CCDC112: variants seen among roughly 807,000 people sequenced by gnomAD.
CCDC112 encodes coiled-coil domain containing 112.
CCDC112 carries 40 observed loss-of-function variants against 66.3 expected under a neutral mutation model. That is an observed-to-expected ratio of 0.60 (90% CI 0.47 to 0.79). The LOEUF is 0.79. Among genes scored for constraint, CCDC112 ranks in the 30% least tolerant of loss-of-function variants. CCDC112 has a pLI of 0.00. For synonymous variants in CCDC112, 214 were observed against 197.2 expected, an observed-to-expected ratio of 1.09 and a Z score of -0.71; for missense variants, 659 against 603.8, an observed-to-expected ratio of 1.09 and a Z score of -0.96.
intron 5 of CCDC112, 42 bp from the exon 6 acceptor site, chr5:115,275,648 T>C: frequency 7.2e-7 from 1 of 1,380,352 alleles, no homozygotes; most frequent in Non-Finnish European, 9.8e-7. Context: ...AGACAATCCA[T>C]ATTAACCCTT....
chr5:115,268,744 CATTT>C (rs980491524), intron 9 of CCDC112, 134 bp downstream of exon 9: 15 of 268,314 alleles, frequency 5.6e-5, no homozygotes, highest in East Asian at 2.1e-4. Context: ...AGGTAAAAAA[CATTT>C]ATATATTATA....
rs1750175396 is a variant in CCDC112 at position 115,296,652 on chromosome 5, G to A, written c.-109C>T. On this transcript the variant is annotated 5_prime_UTR_variant, in exon 1 of 10. Transcript: ENST00000379611. ...CTCCCTGCGCTGCGGGCTTGGCCGGGATGCAGGGCGGGGCCGAGATGTAGG... is the reference window on the plus strand; with the variant it reads ...CTCCCTGCGCTGCGGGCTTGGCCGGAATGCAGGGCGGGGCCGAGATGTAGG... The A allele has an allele frequency of 1.0e-5, 11 of 1,086,220 alleles. No homozygotes were observed. The highest frequency in any genetic ancestry group is 1.0e-5 in the Non-Finnish European group (9 of 867,834). The allele number at this position is 1,086,220 out of a possible 1,614,324, so 67.3% of individuals were successfully genotyped here. A position where few individuals can be genotyped will look rare whatever the true frequency, so the allele number is the denominator to read the frequency against.
intron 2 of CCDC112, among the ~76,000 whole-genome samples, chr5:115,284,409 T>C (rs1481253197): frequency 6.6e-6 from 1 of 152,194 alleles, no homozygotes; most frequent in Non-Finnish European, 1.5e-5. Context: ...CACTTTCATA[T>C]ACACATAATA....
chr5:115,291,423 T>C (rs1011577819), intron 1 of CCDC112, among the ~76,000 whole-genome samples: 1 of 152,186 alleles, frequency 6.6e-6, no homozygotes, highest in Non-Finnish European at 1.5e-5. Flanking sequence ...TTATAACAGA[T>C]ACTATTCTGT....
At chr5:115,294,352 A>T (rs908892683) in intron 1 of CCDC112, among the ~76,000 whole-genome samples, 6 of 152,182 alleles carry the variant, frequency 3.9e-5, no homozygotes, top group Non-Finnish European at 8.8e-5. Flanking sequence ...TGATAGAACT[A>T]GTGTTCCTAT....
chr5:115,279,187 C>T (rs575075731), intron 3 of CCDC112, among the ~76,000 whole-genome samples: 10 of 152,108 alleles, frequency 6.6e-5, no homozygotes, highest in Non-Finnish European at 1.2e-4. Context: ...CAAGGAAACT[C>T]AGGTTTATGC....
rs765136609 is a variant in CCDC112 at position 115,275,414 on chromosome 5, A to C, written c.720T>G (p.Leu240=). Residue 240 remains leucine (L), a synonymous_variant, in exon 6 of 10, where the codon CTT becomes CTG. Coordinates refer to ENST00000379611, the MANE Select transcript of CCDC112 (RefSeq NM_001040440.3). The part of the protein sequence containing the change: ...PEEVLDFEKF[L]QQTGGRQGAW... ...CACCTTGTCGCCCTCCTGTTTGCTGAAGGAATTTTTCAAAATCTAGTACCT... is the reference window on the plus strand; with the variant it reads ...CACCTTGTCGCCCTCCTGTTTGCTGCAGGAATTTTTCAAAATCTAGTACCT... The C allele has an allele frequency of 6.2e-7, 1 of 1,614,002 alleles. No individual in the cohort carries two copies. The highest frequency in any genetic ancestry group is 8.5e-7 in the Non-Finnish European group (1 of 1,179,958).
At chr5:115,275,827 T>C (rs1450607070) in intron 5 of CCDC112, among the ~76,000 whole-genome samples, 167 bp downstream of exon 5, 1 of 152,128 alleles carries the variant, frequency 6.6e-6, no homozygotes, top group Middle Eastern at 3.2e-3. Context: ...AATTTCGCTT[T>C]AAATATGAAA....
intron 3 of CCDC112, among the ~76,000 whole-genome samples, chr5:115,277,968 T>A (rs1318106560): frequency 1.3e-5 from 2 of 152,182 alleles, no homozygotes; most frequent in African/African-American, 4.8e-5. Context: ...ATTATTTTTT[T>A]AAGAAAAAGT....
intron 3 of CCDC112, among the ~76,000 whole-genome samples, chr5:115,277,755 T>C (rs575885614): frequency 6.6e-6 from 1 of 152,220 alleles, no homozygotes; most frequent in Non-Finnish European, 1.5e-5. Flanking sequence ...TCTTCTTTCA[T>C]ATTTTTTTCT....
intron 6 of CCDC112, 133 bp from the exon 7 acceptor site, chr5:115,271,759 G>A (rs1749011017): frequency 3.2e-6 from 2 of 619,500 alleles, no homozygotes; most frequent in East Asian, 3.3e-5. Flanking sequence ...AGGTTTTTCA[G>A]CTTTGTTTTA....
chr5:115,294,587 C>A (rs984511003), intron 1 of CCDC112, among the ~76,000 whole-genome samples: 1 of 152,214 alleles, frequency 6.6e-6, no homozygotes, highest in African/African-American at 2.4e-5. Flanking sequence ...GAAGCCCTAG[C>A]TGACAGGAAC....
intron 2 of CCDC112, 80 bp downstream of exon 2, chr5:115,284,707 G>C: frequency 8.9e-7 from 1 of 1,120,840 alleles, no homozygotes; most frequent in Non-Finnish European, 1.3e-6. Context: ...AGCCTAGGTA[G>C]GGTAGAGTAG....
chr5:115,269,293 T>C (rs901267716), intron 8 of CCDC112, among the ~76,000 whole-genome samples: 3 of 152,190 alleles, frequency 2.0e-5, no homozygotes, highest in African/African-American at 4.8e-5. Flanking sequence ...GCTAGTGATA[T>C]AGCCAGACAA....
intron 7 of CCDC112, among the ~76,000 whole-genome samples, chr5:115,270,983 C>T (rs771974142): frequency 6.6e-6 from 1 of 152,130 alleles, no homozygotes; most frequent in Non-Finnish European, 1.5e-5. Context: ...TATGTCCATA[C>T]CTCAATCACC....
intron 7 of CCDC112, 129 bp downstream of exon 7, chr5:115,271,084 A>G (rs1748974509): frequency 1.3e-6 from 1 of 760,950 alleles, no homozygotes; most frequent in Middle Eastern, 2.8e-4. Flanking sequence ...AGCACGGCTT[A>G]CTCATTTTGG....
chr5:115,281,019 TAGAG>T (rs1275465433), intron 2 of CCDC112, among the ~76,000 whole-genome samples: 1 of 150,768 alleles, frequency 6.6e-6, no homozygotes, highest in African/African-American at 2.4e-5. Flanking sequence ...TTGCCATACA[TAGAG>T]AATTTTTTTT....
chr5:115,283,399 T>C (rs1040923795), intron 2 of CCDC112, among the ~76,000 whole-genome samples: 4 of 152,150 alleles, frequency 2.6e-5, no homozygotes, highest in Admixed American at 6.6e-5. Flanking sequence ...TTTCTGTGTA[T>C]GGCTTATTTC....
At chr5:115,295,756 C>T (rs1260208540) in intron 1 of CCDC112, among the ~76,000 whole-genome samples, 1 of 152,062 alleles carries the variant, frequency 6.6e-6, no homozygotes, top group Non-Finnish European at 1.5e-5. Context: ...GAAACATAAA[C>T]AATAGAAATA....
Sources: gnomAD v4.1 joint callset for allele counts (sites outside exome capture counted in the v4.1 genomes callset) on GRCh38, gnomAD v4.1.1 for gene constraint, MANE v1.5 for transcripts, NCBI Gene and HGNC (gene_info 2026-07-23, HGNC 2026-07-21) for gene names.